CCN4: variants seen among roughly 807,000 people sequenced by gnomAD.
CCN4 encodes cellular communication network factor 4.
CCN4 carries 30 observed loss-of-function variants against 36.7 expected under a neutral mutation model. The ratio of observed to expected loss-of-function variants is 0.82; its 90% CI spans 0.61 to 1.11. The LOEUF is 1.11. Among genes scored for constraint, CCN4 ranks in the 50% least tolerant of loss-of-function variants. CCN4 has a pLI of 0.00. For synonymous variants in CCN4, 191 were observed against 195.4 expected, an observed-to-expected ratio of 0.98 and a Z score of 0.19; for missense variants, 505 against 504.9, an observed-to-expected ratio of 1.00 and a Z score of 0.00.
chr8:133,194,803 TTTA>T (rs1853304543), intron 1 of CCN4, among the ~76,000 whole-genome samples: 1 of 114,598 alleles, frequency 8.7e-6, no homozygotes, highest in Admixed American at 8.8e-5. Flanking sequence ...GTGTGTGGTG[TTTA>T]TTGTGTGTGG....
chr8:133,208,095 T>C (rs1051576721), intron 1 of CCN4, among the ~76,000 whole-genome samples: 15 of 151,832 alleles, frequency 9.9e-5, no homozygotes, highest in Non-Finnish European at 1.0e-4. Context: ...TGTCATTTAC[T>C]AGGTGTTGGG....
At chr8:133,199,624 C>T (rs11777304) in intron 1 of CCN4, among the ~76,000 whole-genome samples, 36,451 of 152,018 alleles carry the variant, frequency 0.24, 4,806 homozygotes, top group Middle Eastern at 0.33. Context: ...CTGGCAGGCG[C>T]GCGTGGAGTG....
At chr8:133,220,925 A>T (rs1210962563) in intron 3 of CCN4, 84 bp downstream of exon 3, 1 of 1,491,956 alleles carries the variant, frequency 6.7e-7, no homozygotes, top group Non-Finnish European at 9.0e-7. Flanking sequence ...CCATAGAATG[A>T]CTCATTCCCC....
intron 1 of CCN4, among the ~76,000 whole-genome samples, chr8:133,212,397 G>C (rs781604307): frequency 1.3e-5 from 2 of 152,126 alleles, no homozygotes; most frequent in African/African-American, 4.8e-5. Context: ...CTCTGACTCA[G>C]AGAGGCCTTA....
chr8:133,225,536 C>A lies in CCN4; in HGVS notation c.757C>A (p.Leu253Ile). The A allele has an allele frequency of 6.2e-7, 1 of 1,613,314 alleles. No homozygotes were observed. The highest frequency in any genetic ancestry group is 8.5e-7 in the Non-Finnish European group (1 of 1,179,434). The change falls in exon 4 of 5, where the codon CTC becomes ATC. Residue 253 changes from leucine (L) to isoleucine (I), a missense_variant. Physicochemically the swap from Leu to Ile is conservative, Grantham distance 5 (BLOSUM62 2). Coordinates refer to ENST00000250160, the MANE Select transcript of CCN4 (RefSeq NM_003882.4). ...GTGCTGGCCTGAGCAAGAGAGCCGC[C>A]TCTGCAACTTGCGGCCATGCGATGT... is the stretch of plus-strand genomic sequence containing the variant. ...AQCWPEQESRLCNLRPCDVDI... is the reference protein window; with the variant it reads ...AQCWPEQESRICNLRPCDVDI...
chr8:133,199,808 G>A (rs1853522316), intron 1 of CCN4, among the ~76,000 whole-genome samples: 1 of 152,138 alleles, frequency 6.6e-6, no homozygotes, highest in African/African-American at 2.4e-5. Flanking sequence ...GCTCTTAGAT[G>A]ATCAAAGAGC....
intron 2 of CCN4, among the ~76,000 whole-genome samples, chr8:133,220,323 C>T (rs537747220): frequency 6.6e-6 from 1 of 152,322 alleles, no homozygotes; most frequent in East Asian, 1.9e-4. Context: ...CGGGAGGCTG[C>T]GTCCTTCCAC....
intron 1 of CCN4, among the ~76,000 whole-genome samples, chr8:133,209,522 C>T (rs1207887577): frequency 6.6e-6 from 1 of 152,224 alleles, no homozygotes; most frequent in Non-Finnish European, 1.5e-5. Context: ...TAAATGGTTC[C>T]CCTGTCCAAG....
intron 1 of CCN4, among the ~76,000 whole-genome samples, chr8:133,195,040 A>G (rs1225214380): frequency 8.2e-6 from 1 of 121,668 alleles, no homozygotes; most frequent in Non-Finnish European, 1.7e-5. Flanking sequence ...GTGTGTATGC[A>G]TGGTGTGTAT....
In CCN4 at chr8:133,227,647, G is replaced by A. The variant is rs1854793364; in HGVS notation, c.1041G>A (p.Arg347=). ...CCTGCTTCTGTAACCTGAGCTGTAG[G>A]AATCCCAATGACATCTTTGCTGACT... ...INACFCNLSC[R]NPNDIFADLE... is the part of the protein sequence containing the mutation. Residue 347 remains arginine (R), a synonymous_variant, in exon 5 of 5, where the codon AGG becomes AGA. Transcript: ENST00000250160. 2.5e-6 allele frequency: 4 copies of A among 1,614,078 alleles called. No individual in the cohort carries two copies. In the South Asian group the frequency reaches 4.4e-5, roughly 18 times the overall value.
intron 1 of CCN4, among the ~76,000 whole-genome samples, chr8:133,200,788 C>T (rs539081069): frequency 2.6e-5 from 4 of 152,302 alleles, no homozygotes; most frequent in South Asian, 2.1e-4. Flanking sequence ...GGAGGGAGCA[C>T]GCATCCTCTG....
Position 133,220,567 on chromosome 8 carries a change from A to T in CCN4, c.350-14A>T. ...CCAAGGCCACTGGGCCTGACCGGCC[A>T]CCTGTGTTTGCAGAGGTGGTCGGTG... On this transcript the variant is annotated splice_polypyrimidine_tract_variant and intron_variant, in intron 2 of 4. Coordinates refer to ENST00000250160, the MANE Select transcript of CCN4 (RefSeq NM_003882.4). 2 of 1,605,896 alleles carry T rather than the reference A, an allele frequency of 1.2e-6. No individual in the cohort carries two copies. The highest frequency in any genetic ancestry group is 1.7e-6 in the Non-Finnish European group (2 of 1,173,234).
chr8:133,219,768 A>G (rs905208996), intron 2 of CCN4, among the ~76,000 whole-genome samples: 2 of 152,170 alleles, frequency 1.3e-5, no homozygotes, highest in African/African-American at 4.8e-5. Context: ...GATGAATCTG[A>G]TTTTTCTGAA....
chr8:133,225,698 C>T (rs1854709012), intron 4 of CCN4, 115 bp downstream of exon 4: 2 of 1,079,272 alleles, frequency 1.9e-6, no homozygotes, highest in South Asian at 2.2e-5. Context: ...TAGTTAAGCT[C>T]ACCTGGTAGG....
At chr8:133,203,045 C>G (rs904570739) in intron 1 of CCN4, among the ~76,000 whole-genome samples, 2 of 152,226 alleles carry the variant, frequency 1.3e-5, no homozygotes, top group African/African-American at 4.8e-5. Flanking sequence ...CAGCTAGGGC[C>G]GGCTCCGGCC....
intron 4 of CCN4, 129 bp from the exon 5 acceptor site, chr8:133,227,282 T>C (rs1346660797): frequency 6.8e-6 from 6 of 887,232 alleles, no homozygotes; most frequent in Non-Finnish European, 1.0e-5. Flanking sequence ...TGCTTGAGGA[T>C]GCTGTGAAGC....
intron 2 of CCN4, among the ~76,000 whole-genome samples, chr8:133,217,976 C>G (rs1481719448): frequency 8.1e-5 from 4 of 49,622 alleles, no homozygotes; most frequent in Non-Finnish European, 1.1e-4. Flanking sequence ...CCTGGAGAGA[C>G]AGCGTGCAGG....
At chr8:133,206,997 G>T (rs576441156) in intron 1 of CCN4, among the ~76,000 whole-genome samples, 1 of 152,216 alleles carries the variant, frequency 6.6e-6, no homozygotes, top group Non-Finnish European at 1.5e-5. Flanking sequence ...AGGAAGGCGG[G>T]GGGGAAACTA....
intron 1 of CCN4, among the ~76,000 whole-genome samples, chr8:133,210,173 G>GC (rs1403715767): frequency 2.0e-5 from 3 of 152,166 alleles, no homozygotes; most frequent in Non-Finnish European, 4.4e-5. Flanking sequence ...GAGATGCAAG[G>GC]CCCGGGCCCT....
Sources: allele counts gnomAD v4.1 joint callset (sites outside exome capture counted in the v4.1 genomes callset), GRCh38; gene constraint gnomAD v4.1.1; transcripts MANE v1.5; gene names NCBI Gene and HGNC (gene_info 2026-07-23, HGNC 2026-07-21).